Variants in USP3 observed in about 807,000 individuals in gnomAD.
USP3 encodes the protein ubiquitin specific peptidase 3, also known as ubiquitin carboxyl-terminal hydrolase 3.
USP3 carries 20 observed loss-of-function variants against 72.3 expected under a neutral mutation model. The observed-to-expected ratio is 0.28, with a 90% CI of 0.19 to 0.40. The LOEUF is 0.40. USP3 is among the 10% of genes least tolerant of loss of function. The pLI, the probability that USP3 is intolerant of heterozygous loss-of-function variation, is 1.00. For missense variants in USP3, 479 were observed against 633.9 expected (o/e 0.76, Z 2.62); for synonymous variants, 222 against 225.3 (o/e 0.99, Z 0.13).
chr15:63,549,522 C>T (rs1036037833), intron 3 of USP3, among the ~76,000 whole-genome samples: 3 of 152,202 alleles, frequency 2.0e-5, no homozygotes. Context: ...TTATCCAAAT[C>T]AACAAAGCGT....
chr15:63,582,846 C>G (rs2152682576), intron 11 of USP3, among the ~76,000 whole-genome samples: 1 of 152,272 alleles, frequency 6.6e-6, no homozygotes, highest in Non-Finnish European at 1.5e-5. Flanking sequence ...GGGGCTTTGC[C>G]TGGCAGGTAG....
chr15:63,560,755 C>A (rs939124881), intron 7 of USP3, among the ~76,000 whole-genome samples: 1 of 151,414 alleles, frequency 6.6e-6, no homozygotes, highest in Non-Finnish European at 1.5e-5. Flanking sequence ...TTGGTGTAGA[C>A]CTCCCTTATT....
intron 1 of USP3, among the ~76,000 whole-genome samples, chr15:63,521,869 G>A (rs1443512415): frequency 6.6e-6 from 1 of 152,188 alleles, no homozygotes; most frequent in Admixed American, 6.5e-5. Flanking sequence ...GGCCTCAGAG[G>A]ATTGATGGTT....
chr15:63,583,063 C>G (rs1218781158), intron 11 of USP3, among the ~76,000 whole-genome samples: 1 of 152,120 alleles, frequency 6.6e-6, no homozygotes, highest in East Asian at 1.9e-4. Flanking sequence ...CCCATGCTTC[C>G]ACACACGGGG....
rs925300915 is a variant in USP3, at chr15:63,590,897, C to A, written c.*71C>A. 18 of 1,479,350 alleles carry A rather than the reference C, an allele frequency of 1.2e-5. No individual in the cohort carries two copies. The East Asian group carries it at 1.7e-4, about 14-fold the overall frequency. The allele number at this position is 1,479,350 out of a possible 1,614,324, so 91.6% of individuals were successfully genotyped here. A position where few individuals can be genotyped will look rare whatever the true frequency, so the allele number is the denominator to read the frequency against. ...TCCAGTTTTCCACAAATACTTGATA[C>A]AAGATTTAATTTCATTATGCACTTT... On this transcript the variant is annotated 3_prime_UTR_variant, in exon 15 of 15. Transcript: ENST00000380324.
At chr15:63,567,876 G>A (rs951313436) in intron 8 of USP3, among the ~76,000 whole-genome samples, 10 of 152,196 alleles carry the variant, frequency 6.6e-5, no homozygotes, top group African/African-American at 1.9e-4. Context: ...GACAGTTGCC[G>A]CGTGTTCCTG....
At position 63,553,648 on chromosome 15, in the gene USP3, T is replaced by G; in HGVS notation, c.285-67T>G. ...GATCATCTTGGCAACAGCCAGACCT[T>G]TTAGTGATTTCATTACTGTGGTTTC... is the stretch of plus-strand genomic sequence containing the variant. On this transcript the variant is annotated intron_variant, in intron 3 of 14. Coordinates refer to ENST00000380324, the MANE Select transcript of USP3 (RefSeq NM_006537.4). The surrounding 1 kb of genome is among the most constrained non-coding windows in gnomAD (Gnocchi z 4.2). 1 of 1,476,162 alleles carries G rather than the reference T, an allele frequency of 6.8e-7. No individual in the cohort carries two copies. Among genetic ancestry groups the G allele is most frequent in the Non-Finnish European group, 9.2e-7 (1 of 1,083,892 alleles). 91.4% of individuals were successfully genotyped at this position (1,476,162 alleles called of 1,614,324 possible).
intron 4 of USP3, 132 bp from the exon 5 acceptor site, chr15:63,556,535 A>C (rs527321446): frequency 1.7e-6 from 1 of 576,422 alleles, no homozygotes; most frequent in African/African-American, 1.9e-5. Flanking sequence ...TGTGGGCCCC[A>C]GTAGGCCTGA....
chr15:63,571,524 G>T (rs936547550), intron 9 of USP3, among the ~76,000 whole-genome samples: 1 of 152,210 alleles, frequency 6.6e-6, no homozygotes, highest in Non-Finnish European at 1.5e-5. Context: ...GGAAGGACCT[G>T]TGACCTGGGA....
Position 63,544,962 on chromosome 15 carries a change from A to G in USP3, c.284+7806A>G, listed in dbSNP as rs2066298517. Among the ~76,000 whole-genome samples, 1 of 152,250 alleles carries G rather than the reference A, an allele frequency of 6.6e-6. No homozygotes were observed. The highest frequency in any genetic ancestry group is 1.5e-5 in the Non-Finnish European group (1 of 68,032). ...GTACCAAAGGAAATAACCAAAGTAT[A>G]GAAAAGAATGTTCTTTGAAATGAAG... On this transcript the variant is annotated intron_variant, in intron 3 of 14. Coordinates refer to ENST00000380324, the MANE Select transcript of USP3 (RefSeq NM_006537.4). The surrounding 1 kb of genome is among the most constrained non-coding windows in gnomAD (Gnocchi z 4.2).
chr15:63,516,493 C>G (rs1595705675), intron 1 of USP3, among the ~76,000 whole-genome samples: 1 of 152,076 alleles, frequency 6.6e-6, no homozygotes, highest in South Asian at 2.1e-4. Context: ...AATTGCATGG[C>G]ACATTAAGGG....
chr15:63,573,947 C>A (rs1305185294), intron 9 of USP3, 99 bp from the exon 10 acceptor site: 27 of 651,788 alleles, frequency 4.1e-5, no homozygotes, highest in Non-Finnish European at 6.0e-5. Context: ...CCCTCAAAGG[C>A]AGTCATCTGT....
intron 11 of USP3, among the ~76,000 whole-genome samples, chr15:63,576,032 G>A (rs2066857793): frequency 6.7e-6 from 1 of 148,708 alleles, no homozygotes; most frequent in African/African-American, 2.5e-5. Flanking sequence ...TGTCGCCCAG[G>A]CTGGAGTGCA....
At position 63,528,490 on chromosome 15, in the gene USP3, T is replaced by G. The variant is rs2066018485; in HGVS notation, c.92-4157T>G. 6.6e-6 allele frequency among the ~76,000 whole-genome samples: 1 copy of G among 150,824 alleles called. No individual in the cohort carries two copies. Among genetic ancestry groups the G allele is most frequent in the South Asian group, 2.1e-4 (1 of 4,834 alleles). ...TTTAAGACTAAAAAAATAAACACTT[T>G]GGTTTAACATTTTTATGTTTTGCTA... On this transcript the variant is annotated intron_variant, in intron 1 of 14. Coordinates refer to ENST00000380324, the MANE Select transcript of USP3 (RefSeq NM_006537.4). The surrounding 1 kb of genome is among the most constrained non-coding windows in gnomAD (Gnocchi z 4.3).
intron 4 of USP3, among the ~76,000 whole-genome samples, chr15:63,555,804 T>C (rs2066498328): frequency 6.6e-6 from 1 of 152,160 alleles, no homozygotes; most frequent in East Asian, 1.9e-4. Flanking sequence ...ATTTTGAGGT[T>C]TGAAGCAACT....
chr15:63,594,362 C>T lies in USP3; in HGVS notation c.*3536C>T, dbSNP rs1033610980. 3 of 152,258 alleles carry T rather than the reference C, an allele frequency of 2.0e-5. No homozygotes were observed. The highest frequency in any genetic ancestry group is 4.4e-5 in the Non-Finnish European group (3 of 68,112). 9.4% of individuals were successfully genotyped at this position (152,258 alleles called of 1,614,324 possible). Reference sequence around the variant, plus strand: ...AGGAAGGTGAGGAAGGAGAAGTGGGCATGTGGTGTCATCTGTAGTCCAAGG... The same window carrying T: ...AGGAAGGTGAGGAAGGAGAAGTGGGTATGTGGTGTCATCTGTAGTCCAAGG... On this transcript the variant is annotated 3_prime_UTR_variant, in exon 15 of 15. Transcript: ENST00000380324.
chr15:63,529,659 T>C lies in USP3; in HGVS notation c.92-2988T>C, dbSNP rs1378480070. On this transcript the variant is annotated intron_variant, in intron 1 of 14. Transcript: ENST00000380324. This position sits in a 1 kb window ranked among gnomAD's most constrained non-coding sequence, Gnocchi z 4.2. ...TGCACCTTGAGTGGGGAAAAGGAGA[T>C]CACCAAATTGTGTGTACTGTGTGTA... Among the ~76,000 whole-genome samples, 3 of 152,160 alleles carry C rather than the reference T, an allele frequency of 2.0e-5. No homozygotes were observed. The highest frequency in any genetic ancestry group is 4.4e-5 in the Non-Finnish European group (3 of 68,032).
At chr15:63,580,059 G>A (rs2066927690) in intron 11 of USP3, among the ~76,000 whole-genome samples, 1 of 152,004 alleles carries the variant, frequency 6.6e-6, no homozygotes, top group Admixed American at 6.5e-5. Context: ...TAAACACTTT[G>A]TTATTGAAAA....
chr15:63,533,001 A>G (rs554614882), intron 2 of USP3, among the ~76,000 whole-genome samples: 1 of 152,312 alleles, frequency 6.6e-6, no homozygotes, highest in East Asian at 1.9e-4. Flanking sequence ...TTGAAGTACA[A>G]ATTTACCTAA....
Sources: allele counts gnomAD v4.1 joint callset (sites outside exome capture counted in the v4.1 genomes callset), GRCh38; gene constraint gnomAD v4.1.1; non-coding constraint Gnocchi (gnomAD v3.1); transcripts MANE v1.5; gene names NCBI Gene and HGNC (gene_info 2026-07-23, HGNC 2026-07-21).